The following ZBTB11 variants were observed in gnomAD, a reference collection of about 807,000 sequenced individuals.
ZBTB11 encodes the protein zinc finger and BTB domain-containing protein 11.
A neutral mutation model predicts 113.1 loss-of-function variants in ZBTB11; 68 were observed. The observed-to-expected ratio is 0.60, with a 90% CI of 0.49 to 0.74. The LOEUF (loss-of-function observed/expected upper bound fraction) is 0.74, where lower values mean the gene tolerates loss of function less well. Among genes scored for constraint, ZBTB11 ranks in the 30% least tolerant of loss-of-function variants. The pLI is 0.00. For synonymous variants in ZBTB11, 518 were observed against 452.6 expected (o/e 1.14, Z -1.83); for missense variants, 1,104 against 1,279.4 (o/e 0.86, Z 2.09).
chr3:101,656,984 T>A (rs575007020), intron 6 of ZBTB11, among the ~76,000 whole-genome samples: 378 of 140,358 alleles, frequency 2.7e-3, no homozygotes, highest in Middle Eastern at 0.012. Flanking sequence ...AAAAAAAAAA[T>A]ACAAAAATTA....
Position 101,676,818 on chromosome 3 carries a change from T to C in ZBTB11, c.97A>G (p.Ile33Val). The C allele has an allele frequency of 6.2e-7, 1 of 1,612,594 alleles. No individual in the cohort carries two copies. Among genetic ancestry groups the C allele is most frequent in the Non-Finnish European group, 8.5e-7 (1 of 1,179,632 alleles). The change falls in exon 1 of 11, where the codon ATC becomes GTC. Residue 33 changes from isoleucine to valine, a missense_variant. Ile to Val is a conservative substitution (Grantham distance 29, BLOSUM62 3). Around this residue, in one of 5 missense-constraint regions of ZBTB11, gnomAD observed 245 missense variants for 272.5 expected, o/e 0.90. Transcript: ENST00000312938. Reference sequence around the variant, plus strand: ...ACGTAGCAGGCGGCAGCTTTTCGGATTTTACGCTTGACATTGCCCTCGGTG... The same window carrying C: ...ACGTAGCAGGCGGCAGCTTTTCGGACTTTACGCTTGACATTGCCCTCGGTG... The part of the protein sequence containing the change: ...PGTEGNVKRK[I>V]RKAAACYVVR...
At chr3:101,654,616 C>A (rs1263763104) in intron 8 of ZBTB11, 88 bp downstream of exon 8, 3 of 1,098,596 alleles carry the variant, frequency 2.7e-6, no homozygotes, top group South Asian at 1.5e-5. Context: ...ACTGAAGTTA[C>A]AGTTTAATAT....
At chr3:101,660,166 G>T in intron 5 of ZBTB11, 138 bp from the exon 6 acceptor site, 1 of 833,056 alleles carries the variant, frequency 1.2e-6, no homozygotes, top group Non-Finnish European at 1.8e-6. Flanking sequence ...ATAGGTACTA[G>T]ATTGTAAAGA....
chr3:101,664,602 T>C lies in ZBTB11; in HGVS notation c.1736A>G (p.Gln579Arg). The change falls in exon 5 of 11, where the codon CAG becomes CGG. Residue 579 changes from glutamine to arginine, a missense_variant. Coordinates refer to ENST00000312938, the MANE Select transcript of ZBTB11 (RefSeq NM_014415.4). ...GTGCATTATAAGGGCGTATCGTCTC[T>C]GAAAAACCATTCCACATTCCCCACA... The part of the protein sequence containing the change: ...HKCGECGMVF[Q>R]RRYALIMHKL... 1 of 1,613,968 alleles carries C rather than the reference T, an allele frequency of 6.2e-7. No homozygotes were observed. The highest frequency in any genetic ancestry group is 8.5e-7 in the Non-Finnish European group (1 of 1,179,950).
intron 3 of ZBTB11, among the ~76,000 whole-genome samples, chr3:101,670,225 G>C (rs1420139939): frequency 6.6e-6 from 1 of 152,180 alleles, no homozygotes; most frequent in Non-Finnish European, 1.5e-5. Context: ...AAAAGGATAA[G>C]TGGTTAAATA....
chr3:101,659,083 A>T (rs1345269229), intron 6 of ZBTB11, among the ~76,000 whole-genome samples: 1 of 152,064 alleles, frequency 6.6e-6, no homozygotes, highest in African/African-American at 2.4e-5. Flanking sequence ...CACAAAATTT[A>T]AAAAAATTAG....
chr3:101,659,305 T>A (rs1343202418), intron 6 of ZBTB11, among the ~76,000 whole-genome samples: 1 of 152,190 alleles, frequency 6.6e-6, no homozygotes, highest in Non-Finnish European at 1.5e-5. Context: ...CTACTAGAAA[T>A]TTTTCACTGT....
chr3:101,676,605 C>G lies in ZBTB11; in HGVS notation c.310G>C (p.Gly104Arg). 2.0e-6 allele frequency: 3 copies of G among 1,501,772 alleles called. No homozygotes were observed. The highest frequency in any genetic ancestry group is 2.7e-6 in the Non-Finnish European group (3 of 1,124,496). The allele number at this position is 1,501,772 out of a possible 1,614,324, so 93.0% of individuals were successfully genotyped here. A position where few individuals can be genotyped will look rare whatever the true frequency, so the allele number is the denominator to read the frequency against. The change falls in exon 1 of 11, where the codon GGT becomes CGT. Residue 104 changes from glycine to arginine, a missense_variant and splice_region_variant. Coordinates refer to ENST00000312938, the MANE Select transcript of ZBTB11 (RefSeq NM_014415.4). ...CCCCTCGCCGCGGGCTAGGTCTCAC[C>G]TCGCCACCAGTACGTCTTGGACAAG... ...HYLSKTYWWR[G>R]ILKQVKDYIK...
At chr3:101,669,038 T>A (rs1311371668) in intron 3 of ZBTB11, among the ~76,000 whole-genome samples, 1 of 151,920 alleles carries the variant, frequency 6.6e-6, no homozygotes, top group Non-Finnish European at 1.5e-5. Flanking sequence ...TGATAAAATT[T>A]TTTTTTGTGG....
rs150002231 is a variant in ZBTB11 at position 101,675,974 on chromosome 3, A to G, written c.310+631T>C. Among the ~76,000 whole-genome samples the G allele has an allele frequency of 7.1e-3, 1,085 of 152,186 alleles. 19 individuals are homozygous for G. The highest frequency in any genetic ancestry group is 0.023 in the African/African-American group (964 of 41,500). On this transcript the variant is annotated intron_variant, in intron 1 of 10. Coordinates refer to ENST00000312938, the MANE Select transcript of ZBTB11 (RefSeq NM_014415.4). ...AACCAAACAACAAAAACAGTAACTG[A>G]TATCTTTTACATTTACTTCTTGTTC...
At chr3:101,660,157 T>C (rs905992972) in intron 5 of ZBTB11, 129 bp from the exon 6 acceptor site, 6 of 900,368 alleles carry the variant, frequency 6.7e-6, no homozygotes, top group African/African-American at 5.0e-5. Context: ...TAAAAAACAA[T>C]AGGTACTAGA....
At chr3:101,660,099 T>A in intron 5 of ZBTB11, 71 bp from the exon 6 acceptor site, 1 of 1,468,234 alleles carries the variant, frequency 6.8e-7, no homozygotes, top group Non-Finnish European at 9.3e-7. Flanking sequence ...CAACTCATAT[T>A]TGGACTTTGT....
In ZBTB11 at chr3:101,677,012, G is replaced by T. The variant is rs1464712472; in HGVS notation, c.-98C>A. ...GCAGGAGGAGCGGCGGCACCGTAGG[G>T]AGAAACGGCTGCGCCTTTGGCGAGC... On this transcript the variant is annotated 5_prime_UTR_variant, in exon 1 of 11. Transcript: ENST00000312938. 5 of 1,346,426 alleles carry T rather than the reference G, an allele frequency of 3.7e-6. No homozygotes were observed. Among genetic ancestry groups the T allele is most frequent in the South Asian group, 1.5e-5 (1 of 67,536 alleles). 83.4% of individuals were successfully genotyped at this position (1,346,426 alleles called of 1,614,324 possible).
At position 101,651,755 on chromosome 3, in the gene ZBTB11, C is replaced by T. The variant is rs113877260; in HGVS notation, c.2645-72G>A. ...AAATATACTTAAACTGCCTACCAAACTTCCTTTTATTAAAAAGTACAGTAG... is the reference window on the plus strand; with the variant it reads ...AAATATACTTAAACTGCCTACCAAATTTCCTTTTATTAAAAAGTACAGTAG... On this transcript the variant is annotated intron_variant, in intron 10 of 10. Transcript: ENST00000312938. The T allele has an allele frequency of 1.0e-3, 1,433 of 1,438,910 alleles. 7 individuals are homozygous for T. In the African/African-American group the frequency reaches 0.013, roughly 13 times the overall value. The allele number at this position is 1,438,910 out of a possible 1,614,324, so 89.1% of individuals were successfully genotyped here. A position where few individuals can be genotyped will look rare whatever the true frequency, so the allele number is the denominator to read the frequency against.
At chr3:101,657,096 G>A (rs143690708) in intron 6 of ZBTB11, among the ~76,000 whole-genome samples, 8 of 144,354 alleles carry the variant, frequency 5.5e-5, no homozygotes, top group East Asian at 2.0e-4. Flanking sequence ...AGCCAAGATC[G>A]TGCTACTGCA....
Position 101,664,574 on chromosome 3 carries a change from T to TAC in ZBTB11, c.1763_1764insGT (p.Leu589TyrfsTer2). 1 of 1,608,966 alleles carries TAC rather than the reference T, an allele frequency of 6.2e-7. No homozygotes were observed. The highest frequency in any genetic ancestry group is 8.5e-7 in the Non-Finnish European group (1 of 1,178,844). Reference sequence around the variant, plus strand: ...AATCTCTAGCTCTTTCATGTTTCAGTTTGTGCATTATAAGGGCGTATCGTC... The same window carrying TAC: ...AATCTCTAGCTCTTTCATGTTTCAGTACTTGTGCATTATAAGGGCGTATCGTC... On this transcript the variant is annotated frameshift_variant, in exon 5 of 11. Transcript: ENST00000312938. LOFTEE classifies it high-confidence loss of function.
At chr3:101,671,094 T>C in intron 3 of ZBTB11, 36 bp downstream of exon 3, 1 of 1,564,578 alleles carries the variant, frequency 6.4e-7, no homozygotes, top group Middle Eastern at 1.7e-4. Context: ...AGAATGTCAT[T>C]ACAAACAAAA....
At chr3:101,666,080 G>A (rs1936991570) in intron 3 of ZBTB11, among the ~76,000 whole-genome samples, 1 of 152,054 alleles carries the variant, frequency 6.6e-6, no homozygotes, top group African/African-American at 2.4e-5. Context: ...GTACTCCTTA[G>A]AACCCTGGGG....
At chr3:101,660,412 T>A (rs1314324439) in intron 5 of ZBTB11, among the ~76,000 whole-genome samples, 1 of 152,224 alleles carries the variant, frequency 6.6e-6, no homozygotes, top group African/African-American at 2.4e-5. Context: ...AGTTGAAGAT[T>A]CAAGAAATCT....
Sources: gnomAD v4.1 joint callset for allele counts (sites outside exome capture counted in the v4.1 genomes callset) on GRCh38, gnomAD v4.1.1 for gene constraint, gnomAD v4.1.1 regional missense constraint, MANE v1.5 for transcripts, NCBI Gene and HGNC (gene_info 2026-07-23, HGNC 2026-07-21) for gene names.